BNIP3L: variants seen among roughly 807,000 people sequenced by gnomAD.
The protein encoded by BNIP3L is BCL2/adenovirus E1B 19 kDa protein-interacting protein 3-like.
In BNIP3L, 10 loss-of-function variants were observed where a neutral mutation model predicts 25.5. The observed-to-expected ratio is 0.39, with a 90% CI of 0.24 to 0.67. BNIP3L has a LOEUF of 0.67. Among genes scored for constraint, BNIP3L ranks in the 30% least tolerant of loss-of-function variants. The pLI is 0.45. For synonymous variants in BNIP3L, 113 were observed against 101.2 expected, an observed-to-expected ratio of 1.12 and a Z score of -0.70; for missense variants, 215 against 270.9, an observed-to-expected ratio of 0.79 and a Z score of 1.45.
intron 1 of BNIP3L, among the ~76,000 whole-genome samples, chr8:26,389,390 G>A (rs1010475401): frequency 1.3e-5 from 2 of 151,958 alleles, no homozygotes; most frequent in Non-Finnish European, 2.9e-5. Flanking sequence ...AGAGGCACTC[G>A]AGATAAATTA....
At chr8:26,390,518 G>A (rs981904068) in intron 1 of BNIP3L, 15 of 985,346 alleles carry the variant, frequency 1.5e-5, no homozygotes, top group Admixed American at 1.2e-4. Flanking sequence ...AGTTCACAAG[G>A]TATGTTTAGT....
intron 5 of BNIP3L, among the ~76,000 whole-genome samples, chr8:26,409,557 C>T (rs1461112450): frequency 6.6e-6 from 1 of 152,116 alleles, no homozygotes; most frequent in Non-Finnish European, 1.5e-5. Flanking sequence ...GGGGTTTGTG[C>T]AGAAGGGGAC....
intron 3 of BNIP3L, among the ~76,000 whole-genome samples, chr8:26,406,847 G>C (rs73217798): frequency 6.6e-6 from 1 of 151,456 alleles, no homozygotes; most frequent in Non-Finnish European, 1.5e-5. Flanking sequence ...AACATGCTTG[G>C]AATAATATTT....
chr8:26,391,129 T>C lies in BNIP3L; in HGVS notation c.101-114T>C. ...TTATTTATTTTCTTCAGAATACTTT[T>C]ACATTTGGTTTGAGGAGAGTCAGAA... On this transcript the variant is annotated intron_variant, in intron 1 of 5. Transcript: ENST00000380629. 3 of 833,504 alleles carry C rather than the reference T, an allele frequency of 3.6e-6. No individual in the cohort carries two copies. In the South Asian group the frequency reaches 7.5e-5, roughly 21 times the overall value. The allele number at this position is 833,504 out of a possible 1,614,324, so 51.6% of individuals were successfully genotyped here. A position where few individuals can be genotyped will look rare whatever the true frequency, so the allele number is the denominator to read the frequency against.
chr8:26,383,573 G>T (rs1248638860), intron 1 of BNIP3L: 1 of 410,526 alleles, frequency 2.4e-6, no homozygotes, highest in Admixed American at 6.6e-5. Flanking sequence ...GAGGCCGGGT[G>T]GGCGGAGCGG....
In BNIP3L at chr8:26,411,526, C is replaced by T. The variant is rs1563345089; in HGVS notation, c.*1114C>T. On this transcript the variant is annotated 3_prime_UTR_variant, in exon 6 of 6. Coordinates refer to ENST00000380629, the MANE Select transcript of BNIP3L (RefSeq NM_004331.3). ...GATGCCATTTGTTTCCTTCTGATCTCTCACTGAATAATGTTTACTGTACAG... is the reference window on the plus strand; with the variant it reads ...GATGCCATTTGTTTCCTTCTGATCTTTCACTGAATAATGTTTACTGTACAG... 1 of 152,276 alleles carries T rather than the reference C, an allele frequency of 6.6e-6. No homozygotes were observed. The highest frequency in any genetic ancestry group is 2.4e-5 in the African/African-American group (1 of 41,458). The allele number at this position is 152,276 out of a possible 1,614,324, so 9.4% of individuals were successfully genotyped here.
intron 3 of BNIP3L, chr8:26,396,051 G>C (rs1271156483): frequency 1.3e-5 from 2 of 151,448 alleles, no homozygotes; most frequent in African/African-American, 2.4e-5. Context: ...TGGGGGAGGG[G>C]CGCCCGCCAT....
At chr8:26,409,062 G>T (rs1806564894) in intron 5 of BNIP3L, among the ~76,000 whole-genome samples, 1 of 151,258 alleles carries the variant, frequency 6.6e-6, no homozygotes. Flanking sequence ...TTTTCATATG[G>T]GAAAATACAT....
intron 3 of BNIP3L, among the ~76,000 whole-genome samples, chr8:26,403,792 G>A (rs1011049568): frequency 6.6e-6 from 1 of 151,564 alleles, no homozygotes; most frequent in Non-Finnish European, 1.5e-5. Flanking sequence ...CTCCCATGTC[G>A]GCCTCCCAAA....
chr8:26,404,831 G>A (rs997297024), intron 3 of BNIP3L, among the ~76,000 whole-genome samples: 1 of 152,112 alleles, frequency 6.6e-6, no homozygotes, highest in African/African-American at 2.4e-5. Context: ...AATAGATGTA[G>A]GTATAGAGAG....
chr8:26,383,922 T>C (rs1475107364), intron 1 of BNIP3L, among the ~76,000 whole-genome samples: 1 of 151,918 alleles, frequency 6.6e-6, no homozygotes, highest in East Asian at 1.9e-4. Flanking sequence ...AAGCGATGGG[T>C]TGTGCGCCCA....
At chr8:26,390,625 C>A in intron 1 of BNIP3L, 1 of 878,078 alleles carries the variant, frequency 1.1e-6, no homozygotes, top group Non-Finnish European at 1.4e-6. Context: ...GAATTTTTAG[C>A]ATTATTACCT....
intron 5 of BNIP3L, among the ~76,000 whole-genome samples, chr8:26,410,153 A>T (rs770832919): frequency 1.4e-4 from 22 of 152,168 alleles, no homozygotes; most frequent in Admixed American, 3.3e-4. Flanking sequence ...ATATTTAATG[A>T]GTAAACAAAC....
rs1806108943 is a variant in BNIP3L at position 26,391,425 on chromosome 8, A to G, written c.283A>G (p.Ser95Gly). 6.5e-7 allele frequency: 1 copy of G among 1,535,524 alleles called. No homozygotes were observed. Among genetic ancestry groups the G allele is most frequent in the Non-Finnish European group, 8.8e-7 (1 of 1,136,500 alleles). ...SSSRGSSHCD[S>G]PSPQEDGQIM... ...TTCCAGAGGCAGTTCTCACTGTGAC[A>G]GGTAAGTGAGACCCATGTTTTGGTG... Residue 95 changes from serine (S) to glycine (G), a missense_variant and splice_region_variant, in exon 2 of 6, where the codon AGC (serine) becomes GGC (glycine). Ser to Gly is a moderately conservative substitution (Grantham distance 56, BLOSUM62 0). Around this residue, in one of 4 missense-constraint regions of BNIP3L, gnomAD observed 36 missense variants for 75.2 expected, o/e 0.48. Coordinates refer to ENST00000380629, the MANE Select transcript of BNIP3L (RefSeq NM_004331.3).
intron 3 of BNIP3L, among the ~76,000 whole-genome samples, chr8:26,399,862 G>A (rs1470896323): frequency 4.5e-5 from 5 of 111,620 alleles, no homozygotes; most frequent in Admixed American, 2.7e-4. Context: ...TACAAGGGAT[G>A]TGAAGGACCT....
chr8:26,395,282 A>G lies in BNIP3L; in HGVS notation c.337A>G (p.Ser113Gly). ...CATGTTTGATGTGGAAATGCACACC[A>G]GCAGGGACCATAGCTCTCAGGTGTG... ...QIMFDVEMHT[S>G]RDHSSQSEEE... Residue 113 changes from serine (S) to glycine (G), a missense_variant, in exon 3 of 6, where the codon AGC (serine) becomes GGC (glycine). Coordinates refer to ENST00000380629, the MANE Select transcript of BNIP3L (RefSeq NM_004331.3). 1.2e-6 allele frequency: 2 copies of G among 1,614,136 alleles called. No homozygotes were observed. Among genetic ancestry groups the G allele is most frequent in the Non-Finnish European group, 1.7e-6 (2 of 1,179,994 alleles).
chr8:26,405,770 C>T (rs573777958), intron 3 of BNIP3L, among the ~76,000 whole-genome samples: 10 of 152,316 alleles, frequency 6.6e-5, no homozygotes, highest in Non-Finnish European at 1.2e-4. Flanking sequence ...TGACCAGGCA[C>T]GGTGGCTCAC....
chr8:26,391,240 C>T lies in BNIP3L; in HGVS notation c.101-3C>T, dbSNP rs377471534. On this transcript the variant is annotated splice_region_variant and splice_polypyrimidine_tract_variant and intron_variant, in intron 1 of 5. Transcript: ENST00000380629. ...TGGTTAACTTATCTGACTTGTCCAACAGGTTCCTGGGTGGAGCTACCCATG... is the reference window on the plus strand; with the variant it reads ...TGGTTAACTTATCTGACTTGTCCAATAGGTTCCTGGGTGGAGCTACCCATG... 1 of 1,581,366 alleles carries T rather than the reference C, an allele frequency of 6.3e-7. No individual in the cohort carries two copies. Among genetic ancestry groups the T allele is most frequent in the Non-Finnish European group, 8.6e-7 (1 of 1,163,828 alleles).
intron 1 of BNIP3L, among the ~76,000 whole-genome samples, chr8:26,388,993 AAAAC>A (rs1343343711): frequency 6.6e-5 from 10 of 152,178 alleles, no homozygotes; most frequent in Admixed American, 6.5e-4. Flanking sequence ...TCTCAAAAGA[AAAAC>A]AAAAGTAAGG....
Sources: gnomAD v4.1 joint callset for allele counts (sites outside exome capture counted in the v4.1 genomes callset) on GRCh38, gnomAD v4.1.1 for gene constraint, gnomAD v4.1.1 regional missense constraint, MANE v1.5 for transcripts, NCBI Gene and HGNC (gene_info 2026-07-23, HGNC 2026-07-21) for gene names.